The following GOLM2 variants were observed in gnomAD, a reference collection of about 807,000 sequenced individuals.
GOLM2 encodes protein GOLM2.
GOLM2 carries 26 observed loss-of-function variants against 55.9 expected under a neutral mutation model. That is an observed-to-expected ratio of 0.47 (90% confidence interval 0.34 to 0.65). The LOEUF (loss-of-function observed/expected upper bound fraction) is 0.65, where lower values mean the gene tolerates loss of function less well. GOLM2 is among the 30% of genes least tolerant of loss of function. GOLM2 has a pLI of 0.01. For missense variants in GOLM2, 486 were observed against 531.8 expected (o/e 0.91, Z 0.85); for synonymous variants, 165 against 194.6 (o/e 0.85, Z 1.27).
chr15:44,376,736 C>T (rs546684875), intron 6 of GOLM2, among the ~76,000 whole-genome samples: 6 of 152,164 alleles, frequency 3.9e-5, no homozygotes, highest in South Asian at 2.1e-4. Flanking sequence ...TCTAGATCAT[C>T]GTTTGTTTCA....
intron 6 of GOLM2, among the ~76,000 whole-genome samples, chr15:44,369,066 ATTATATATATATATATATATATATAT>A (rs1360218335): frequency 5.0e-5 from 3 of 60,096 alleles, no homozygotes; most frequent in African/African-American, 2.2e-4. Flanking sequence ...AATAGGATAT[ATTATATATATATATATATATATATAT>A]ATATATATAT....
At chr15:44,351,782 A>T (rs2079166966) in intron 6 of GOLM2, among the ~76,000 whole-genome samples, 1 of 152,174 alleles carries the variant, frequency 6.6e-6, no homozygotes, top group African/African-American at 2.4e-5. Flanking sequence ...ATATGCCAAC[A>T]GCGAATAATC....
At chr15:44,378,378 T>A (rs2079378943) in intron 6 of GOLM2, among the ~76,000 whole-genome samples, 2 of 145,688 alleles carry the variant, frequency 1.4e-5, no homozygotes, top group African/African-American at 2.6e-5. Flanking sequence ...TTTTTTGAGA[T>A]AGAGTTTTCA....
intron 1 of GOLM2, among the ~76,000 whole-genome samples, chr15:44,318,936 A>G (rs999995425): frequency 2.0e-5 from 3 of 152,062 alleles, no homozygotes; most frequent in African/African-American, 7.2e-5. Flanking sequence ...TTCATATCTA[A>G]GTTTTGACAC....
intron 6 of GOLM2, among the ~76,000 whole-genome samples, chr15:44,349,904 T>C (rs766287675): frequency 2.0e-5 from 3 of 152,138 alleles, no homozygotes; most frequent in Non-Finnish European, 2.9e-5. Flanking sequence ...AGTGGGTCGA[T>C]GAAGAGATTA....
chr15:44,334,437 C>T (rs2079043035), intron 4 of GOLM2, among the ~76,000 whole-genome samples: 1 of 152,152 alleles, frequency 6.6e-6, no homozygotes, highest in Non-Finnish European at 1.5e-5. Context: ...AGCCACATGT[C>T]TATCATAGAA....
intron 6 of GOLM2, among the ~76,000 whole-genome samples, chr15:44,370,561 C>CT (rs1368161612): frequency 1.3e-5 from 2 of 152,284 alleles, no homozygotes; most frequent in Non-Finnish European, 1.5e-5. Context: ...AACCCCAACT[C>CT]TAAGAGCGTG....
chr15:44,322,850 T>C (rs2078959839), intron 1 of GOLM2, 115 bp from the exon 2 acceptor site: 1 of 643,178 alleles, frequency 1.6e-6, no homozygotes, highest in East Asian at 3.1e-5. Context: ...AGAGTATAAA[T>C]AAATAACCAG....
intron 1 of GOLM2, among the ~76,000 whole-genome samples, chr15:44,298,235 C>G (rs1487534379): frequency 6.6e-6 from 1 of 151,216 alleles, no homozygotes; most frequent in Non-Finnish European, 1.5e-5. Context: ...GACTTCTGAC[C>G]TGGAATATGC....
intron 6 of GOLM2, among the ~76,000 whole-genome samples, chr15:44,363,033 A>G (rs566706427): frequency 1.3e-5 from 2 of 152,214 alleles, no homozygotes; most frequent in Non-Finnish European, 2.9e-5. Flanking sequence ...ACCTTATACA[A>G]AAATCAATTC....
intron 3 of GOLM2, among the ~76,000 whole-genome samples, chr15:44,329,505 G>A (rs1370995888): frequency 1.3e-5 from 2 of 152,124 alleles, no homozygotes; most frequent in African/African-American, 4.8e-5. Context: ...TTTAACGTAT[G>A]TACAGGTAAT....
At chr15:44,297,673 T>C (rs1014356366) in intron 1 of GOLM2, among the ~76,000 whole-genome samples, 3 of 151,556 alleles carry the variant, frequency 2.0e-5, no homozygotes, top group Non-Finnish European at 2.9e-5. Flanking sequence ...ACCATTCTCC[T>C]GCCTCAGCCT....
In GOLM2 at chr15:44,379,618, G is replaced by GTTT. The variant is rs559031072; in HGVS notation, c.803-54_803-52dup. 4.0e-3 allele frequency: 1,717 copies of GTTT among 427,824 alleles called. 1 individual carries two copies. Among genetic ancestry groups the GTTT allele is most frequent in the South Asian group, 9.5e-3 (339 of 35,728 alleles). The allele number at this position is 427,824 out of a possible 1,614,324, so 26.5% of individuals were successfully genotyped here. ...GTGCAATGTAAATTGATTCACGGTG[G>GTTT]TTTTTTTTTTTTTTTTTTTTAGAAA... On this transcript the variant is annotated intron_variant, in intron 6 of 9. Transcript: ENST00000299957.
chr15:44,383,061 C>T (rs2079415378), intron 8 of GOLM2, among the ~76,000 whole-genome samples: 2 of 150,926 alleles, frequency 1.3e-5, no homozygotes, highest in Non-Finnish European at 2.9e-5. Flanking sequence ...TTATTTCTTA[C>T]ATTCCTTTTT....
chr15:44,354,452 TAATAAAATAAAA>T, intron 6 of GOLM2, among the ~76,000 whole-genome samples: 1 of 151,164 alleles, frequency 6.6e-6, no homozygotes, highest in Middle Eastern at 3.4e-3. Flanking sequence ...AGTATAATAA[TAATAAAATAAAA>T]ATAAATAAAT....
rs577004454 is a variant in GOLM2 at position 44,380,696 on chromosome 15, C to G, written c.902-110C>G. On this transcript the variant is annotated intron_variant, in intron 7 of 9. Coordinates refer to ENST00000299957, the MANE Select transcript of GOLM2 (RefSeq NM_138423.4). ...AAAAAAAAAAAGCTTTGTGGCTACC[C>G]AATGTTAAACAATAGTGTGTCTTAG... The G allele has an allele frequency of 5.9e-5, 41 of 689,540 alleles. No individual in the cohort carries two copies. In the African/African-American group the frequency reaches 7.5e-4, roughly 13 times the overall value. The allele number at this position is 689,540 out of a possible 1,614,324, so 42.7% of individuals were successfully genotyped here. A position where few individuals can be genotyped will look rare whatever the true frequency, so the allele number is the denominator to read the frequency against.
chr15:44,304,034 C>G (rs1321533142), intron 1 of GOLM2, among the ~76,000 whole-genome samples: 3 of 151,570 alleles, frequency 2.0e-5, no homozygotes, highest in African/African-American at 7.3e-5. Context: ...CTGGCCACAC[C>G]TGGCTAATTT....
intron 8 of GOLM2, among the ~76,000 whole-genome samples, chr15:44,399,922 G>T (rs917859825): frequency 2.0e-5 from 3 of 151,778 alleles, no homozygotes; most frequent in Non-Finnish European, 2.9e-5. Flanking sequence ...TTGAACCCAG[G>T]AGGTGGAGGT....
In GOLM2 at chr15:44,403,609, T is replaced by G. The variant is rs73417545; in HGVS notation, c.1240+555T>G. Among the ~76,000 whole-genome samples, 167 of 152,320 alleles carry G rather than the reference T, an allele frequency of 1.1e-3. 1 individual carries two copies. The highest frequency in any genetic ancestry group is 3.9e-3 in the African/African-American group (164 of 41,578). On this transcript the variant is annotated intron_variant, in intron 9 of 9. Transcript: ENST00000299957. Reference sequence around the variant, plus strand: ...TGTGTATTATTGATACAGCTATGATTTAAAACTTAGAATCTTCAGAAATTT... The same window carrying G: ...TGTGTATTATTGATACAGCTATGATGTAAAACTTAGAATCTTCAGAAATTT...
Sources: gnomAD v4.1 joint callset for allele counts (sites outside exome capture counted in the v4.1 genomes callset) on GRCh38, gnomAD v4.1.1 for gene constraint, MANE v1.5 for transcripts, NCBI Gene and HGNC (gene_info 2026-07-23, HGNC 2026-07-21) for gene names.